The following MTRES1 variants were observed in gnomAD, a reference collection of about 807,000 sequenced individuals.
MTRES1 encodes mitochondrial transcription rescue factor 1, also known as uncharacterized protein C6orf203.
In MTRES1, 11 loss-of-function variants were observed where a neutral mutation model predicts 17.4. The ratio of observed to expected loss-of-function variants is 0.63; its 90% confidence interval spans 0.40 to 1.05. MTRES1 has a LOEUF of 1.05. MTRES1 is among the 50% of genes least tolerant of loss of function. The pLI is 0.00. For missense variants in MTRES1, 268 were observed against 276.2 expected (o/e 0.97, Z 0.21); for synonymous variants, 94 against 99.6 (o/e 0.94, Z 0.34).
intron 1 of MTRES1, among the ~76,000 whole-genome samples, chr6:107,036,669 C>A (rs781905411): frequency 1.3e-5 from 2 of 151,916 alleles, no homozygotes; most frequent in African/African-American, 4.8e-5. Flanking sequence ...CGGTGAAACC[C>A]GTCTCTACTA....
intron 1 of MTRES1, among the ~76,000 whole-genome samples, chr6:107,038,106 T>C (rs1000332643): frequency 2.0e-5 from 3 of 152,158 alleles, no homozygotes; most frequent in Admixed American, 6.6e-5. Flanking sequence ...AAGACTTAGA[T>C]TGGAGTCCCA....
At position 107,037,174 on chromosome 6, in the gene MTRES1, C is replaced by T. The variant is rs143242501; in HGVS notation, c.-12-2575C>T. Reference sequence around the variant, plus strand: ...AATCCCAGACTGGAGTGCAGTGACACGATCTCAGCTCACTGCAACCTCTGC... The same window carrying T: ...AATCCCAGACTGGAGTGCAGTGACATGATCTCAGCTCACTGCAACCTCTGC... On this transcript the variant is annotated intron_variant, in intron 1 of 3. Coordinates refer to ENST00000311381, the MANE Select transcript of MTRES1 (RefSeq NM_016487.5). Among the ~76,000 whole-genome samples the T allele has an allele frequency of 8.3e-3, 1,268 of 152,228 alleles. 15 individuals are homozygous for T. Among genetic ancestry groups the T allele is most frequent in the African/African-American group, 0.029 (1,191 of 41,526 alleles).
In MTRES1 at chr6:107,051,112, C is replaced by A. The variant is rs1562288542; in HGVS notation, c.599C>A (p.Thr200Lys). The part of the protein sequence containing the change: ...LLIGEDKEAG[T>K]ETVMRILLKK... ...ATTGGAGAGGATAAAGAAGCAGGAA[C>A]AGAGACAGTTATGCGGATTCTCTTG... The change falls in exon 4 of 4, where the codon ACA (threonine) becomes AAA (lysine). Residue 200 changes from threonine (T) to lysine (K), a missense_variant. Physicochemically the swap from Thr to Lys is moderately conservative, Grantham distance 78. Coordinates refer to ENST00000311381, the MANE Select transcript of MTRES1 (RefSeq NM_016487.5). 5 of 1,613,660 alleles carry A rather than the reference C, an allele frequency of 3.1e-6. No individual in the cohort carries two copies. Among genetic ancestry groups the A allele is most frequent in the Non-Finnish European group, 4.2e-6 (5 of 1,179,718 alleles).
intron 3 of MTRES1, among the ~76,000 whole-genome samples, chr6:107,049,047 G>T (rs782128868): frequency 5.9e-5 from 9 of 152,118 alleles, no homozygotes; most frequent in Non-Finnish European, 1.3e-4. Flanking sequence ...AAGCAGGTGC[G>T]CATGCCCATG....
intron 2 of MTRES1, among the ~76,000 whole-genome samples, chr6:107,042,747 A>G (rs1270468648): frequency 2.0e-5 from 3 of 151,944 alleles, no homozygotes; most frequent in Non-Finnish European, 4.4e-5. Context: ...GGAAGTGCCC[A>G]CTCACTTTGG....
chr6:107,050,695 G>A (rs1054488274), intron 3 of MTRES1, among the ~76,000 whole-genome samples: 25 of 151,522 alleles, frequency 1.6e-4, no homozygotes, highest in Non-Finnish European at 2.1e-4. Context: ...TCCTGCCACA[G>A]CCTTCCGAGT....
chr6:107,037,440 A>G, intron 1 of MTRES1, among the ~76,000 whole-genome samples: 1 of 151,852 alleles, frequency 6.6e-6, no homozygotes, highest in East Asian at 2.0e-4. Context: ...TGAACTCCTC[A>G]CCTCAAGTGA....
intron 2 of MTRES1, among the ~76,000 whole-genome samples, chr6:107,042,393 C>G (rs1363284620): frequency 6.7e-6 from 1 of 148,874 alleles, no homozygotes; most frequent in African/African-American, 2.6e-5. Context: ...AGGCCCCACC[C>G]TTGGCATTCT....
intron 1 of MTRES1, chr6:107,030,014 T>A: frequency 1.4e-6 from 1 of 697,390 alleles, no homozygotes; most frequent in Non-Finnish European, 2.6e-6. Flanking sequence ...TCTACCTGTT[T>A]CCCCTACTAG....
chr6:107,042,265 A>G (rs1774243813), intron 2 of MTRES1, among the ~76,000 whole-genome samples: 1 of 142,006 alleles, frequency 7.0e-6, no homozygotes, highest in African/African-American at 2.6e-5. Context: ...ATGTGAACCC[A>G]GGAGGCAGAG....
At chr6:107,038,723 A>G (rs1774088374) in intron 1 of MTRES1, among the ~76,000 whole-genome samples, 1 of 152,170 alleles carries the variant, frequency 6.6e-6, no homozygotes, top group Non-Finnish European at 1.5e-5. Flanking sequence ...GATGTAATGT[A>G]TGTCAGTCAA....
chr6:107,035,929 G>A (rs1383696841), intron 1 of MTRES1, among the ~76,000 whole-genome samples: 1 of 152,114 alleles, frequency 6.6e-6, no homozygotes, highest in Non-Finnish European at 1.5e-5. Flanking sequence ...GATTACAGGT[G>A]TGAACCACCA....
chr6:107,050,630 G>T (rs574790408), intron 3 of MTRES1, among the ~76,000 whole-genome samples: 3 of 139,034 alleles, frequency 2.2e-5, no homozygotes, highest in Non-Finnish European at 4.5e-5. Context: ...GGGCTGGCAT[G>T]CAGTGACATG....
chr6:107,044,376 T>C (rs916046727), intron 3 of MTRES1, 44 bp downstream of exon 3: 1 of 1,482,362 alleles, frequency 6.7e-7, no homozygotes, highest in African/African-American at 1.4e-5. Flanking sequence ...TTTCGTCTCT[T>C]ACTCTGCTAG....
chr6:107,041,103 G>C, intron 2 of MTRES1, among the ~76,000 whole-genome samples: 1 of 150,866 alleles, frequency 6.6e-6, no homozygotes. Context: ...GCAGGCGCCT[G>C]TAGTCCCAGC....
chr6:107,044,533 C>T (rs574401234), intron 3 of MTRES1, among the ~76,000 whole-genome samples: 2 of 152,270 alleles, frequency 1.3e-5, no homozygotes, highest in East Asian at 1.9e-4. Flanking sequence ...TAATGATCTT[C>T]TGATGAAGCT....
chr6:107,035,931 G>GGGAA, intron 1 of MTRES1, among the ~76,000 whole-genome samples: 1 of 152,050 alleles, frequency 6.6e-6, no homozygotes, highest in South Asian at 2.1e-4. Context: ...TTACAGGTGT[G>GGGAA]AACCACCACA....
chr6:107,038,120 G>A (rs1554227129), intron 1 of MTRES1, among the ~76,000 whole-genome samples: 1 of 152,178 alleles, frequency 6.6e-6, no homozygotes, highest in African/African-American at 2.4e-5. Context: ...AGTCCCAAGA[G>A]TGGTGGATTA....
chr6:107,040,923 G>C (rs1450918155), intron 2 of MTRES1: 7 of 151,158 alleles, frequency 4.6e-5, no homozygotes, highest in Non-Finnish European at 8.8e-5. Flanking sequence ...ATACTAAGAT[G>C]TTGGTTAAGA....
Sources: allele counts gnomAD v4.1 joint callset (sites outside exome capture counted in the v4.1 genomes callset), GRCh38; gene constraint gnomAD v4.1.1; transcripts MANE v1.5; gene names NCBI Gene and HGNC (gene_info 2026-07-23, HGNC 2026-07-21).